The following PAPPA variants were observed in gnomAD, a reference collection of about 807,000 sequenced individuals.
The protein encoded by PAPPA is pappalysin 1, also known as pappalysin-1.
Under a neutral mutation model 164.0 loss-of-function variants are expected in PAPPA, and 60 were observed. The observed-to-expected ratio is 0.37, with a 90% CI of 0.30 to 0.45. The LOEUF is 0.45. Among genes scored for constraint, PAPPA ranks in the 20% least tolerant of loss-of-function variants. The pLI, the probability that PAPPA is intolerant of heterozygous loss-of-function variation, is 1.00. For missense variants in PAPPA, 1,782 were observed against 2,087.3 expected (o/e 0.85, Z 2.85); for synonymous variants, 875 against 814.1 (o/e 1.07, Z -1.27).
rs561687547 is a variant in PAPPA at position 116,334,341 on chromosome 9, C to A, written c.3398-520C>A. On this transcript the variant is annotated intron_variant, in intron 12 of 21. Transcript: ENST00000328252. ...GGCTGTGCTTCTCTGGAAAACCACC[C>A]CTGCCCACGATTCTCAACCTCTTCT... 1.4e-4 allele frequency among the ~76,000 whole-genome samples: 21 copies of A among 152,230 alleles called. No homozygotes were observed. The East Asian group carries it at 4.0e-3, about 29-fold the overall frequency.
intron 19 of PAPPA, among the ~76,000 whole-genome samples, 195 bp from the exon 20 acceptor site, chr9:116,377,381 T>C (rs1019088204): frequency 6.6e-6 from 1 of 152,172 alleles, no homozygotes; most frequent in Non-Finnish European, 1.5e-5. Context: ...ACACATGCGG[T>C]GAACACAAAT....
intron 20 of PAPPA, among the ~76,000 whole-genome samples, chr9:116,379,442 G>A (rs1056177462): frequency 6.6e-6 from 1 of 152,116 alleles, no homozygotes; most frequent in Admixed American, 6.5e-5. Flanking sequence ...CCTCTTATAT[G>A]CCAGATACTG....
intron 6 of PAPPA, among the ~76,000 whole-genome samples, chr9:116,231,660 CGGATGGATGGAT>C (rs199915317): frequency 0.12 from 17,270 of 143,154 alleles, 1,176 homozygotes; most frequent in East Asian, 0.21. Context: ...AATGAATGGG[CGGATGGATGGAT>C]GGATGGATGG....
chr9:116,178,609 C>T (rs1843864639), intron 1 of PAPPA, among the ~76,000 whole-genome samples: 1 of 152,188 alleles, frequency 6.6e-6, no homozygotes, highest in Non-Finnish European at 1.5e-5. Flanking sequence ...TAACAGGGAG[C>T]AGAGCTGAGA....
rs545703946 is a variant in PAPPA, at chr9:116,367,663, C to T, written c.4514C>T (p.Ser1505Leu). ...GYAIGSECAT[S>L]CLDHNSESII... ...CCCTCAGGGTCGGAGTGTGCCACCT[C>T]GTGCCTGGACCACAACAGCGAGTCC... Residue 1505 changes from serine (S) to leucine (L), a missense_variant, in exon 19 of 22, where the codon TCG (serine) becomes TTG (leucine). Physicochemically the swap from Ser to Leu is moderately radical, Grantham distance 145. Around this residue, in one of 2 missense-constraint regions of PAPPA, gnomAD observed 1,324 missense variants for 1,656.9 expected, o/e 0.80. Coordinates refer to ENST00000328252, the MANE Select transcript of PAPPA (RefSeq NM_002581.5). 3.2e-5 allele frequency: 51 copies of T among 1,613,768 alleles called. 1 individual carries two copies. Among genetic ancestry groups the T allele is most frequent in the South Asian group, 2.7e-4 (25 of 91,008 alleles).
At chr9:116,328,698 C>A (rs1329620811) in intron 10 of PAPPA, among the ~76,000 whole-genome samples, 1 of 152,106 alleles carries the variant, frequency 6.6e-6, no homozygotes, top group East Asian at 1.9e-4. Context: ...AGTGCAGATG[C>A]TCTGTTTGAA....
intron 9 of PAPPA, among the ~76,000 whole-genome samples, chr9:116,272,997 T>C (rs990411047): frequency 2.6e-5 from 4 of 152,196 alleles, no homozygotes; most frequent in South Asian, 2.1e-4. Flanking sequence ...ACTGAATTCC[T>C]TCTAATTGTG....
At chr9:116,279,492 G>GAAC (rs1167182671) in intron 9 of PAPPA, among the ~76,000 whole-genome samples, 1 of 152,014 alleles carries the variant, frequency 6.6e-6, no homozygotes. Context: ...AAAAGAAACA[G>GAAC]AACGGCCTCT....
chr9:116,278,027 G>A (rs986406931), intron 9 of PAPPA, among the ~76,000 whole-genome samples: 1 of 152,188 alleles, frequency 6.6e-6, no homozygotes, highest in African/African-American at 2.4e-5. Context: ...GATAAATAAT[G>A]TTATCCCCGT....
intron 10 of PAPPA, among the ~76,000 whole-genome samples, chr9:116,306,509 T>C (rs995601020): frequency 1.3e-5 from 2 of 152,228 alleles, no homozygotes; most frequent in African/African-American, 4.8e-5. Context: ...CAAAACTTCC[T>C]GGTTGTGCAA....
In PAPPA at chr9:116,211,741, G is replaced by T; in HGVS notation, c.1727G>T (p.Gly576Val). The change falls in exon 4 of 22, where the codon GGC becomes GTC. Residue 576 changes from glycine (G) to valine (V), a missense_variant. By Grantham distance (109) the Gly-to-Val change is moderately radical. This residue lies in a region of PAPPA where 1,324 missense variants were observed against 1,656.9 expected (regional missense o/e 0.80). Coordinates refer to ENST00000328252, the MANE Select transcript of PAPPA (RefSeq NM_002581.5). ...HSLGLYHVFR[G>V]ISEIQSCSDP... ...CTGGGCCTCTATCACGTCTTCCGAG[G>T]CATCTCAGAAATCCAGTCCTGCAGT... The T allele has an allele frequency of 6.2e-7, 1 of 1,614,052 alleles. No individual in the cohort carries two copies. Among genetic ancestry groups the T allele is most frequent in the Non-Finnish European group, 8.5e-7 (1 of 1,179,960 alleles).
chr9:116,249,757 G>T, intron 7 of PAPPA, among the ~76,000 whole-genome samples: 1 of 152,176 alleles, frequency 6.6e-6, no homozygotes, highest in East Asian at 1.9e-4. Context: ...AAAGATGCCT[G>T]TGTTACTGGC....
At chr9:116,200,351 A>G (rs1844157716) in intron 2 of PAPPA, among the ~76,000 whole-genome samples, 1 of 152,162 alleles carries the variant, frequency 6.6e-6, no homozygotes, top group Admixed American at 6.5e-5. Flanking sequence ...CCACTCTATC[A>G]TAACACATAT....
intron 10 of PAPPA, among the ~76,000 whole-genome samples, chr9:116,329,811 A>G (rs2118945388): frequency 6.6e-6 from 1 of 152,258 alleles, no homozygotes; most frequent in African/African-American, 2.4e-5. Context: ...GTGTTAAACT[A>G]TTTTTATATC....
At chr9:116,217,590 C>G (rs181708168) in intron 4 of PAPPA, among the ~76,000 whole-genome samples, 2 of 152,124 alleles carry the variant, frequency 1.3e-5, no homozygotes, top group Non-Finnish European at 2.9e-5. Flanking sequence ...TATTTTATAT[C>G]CTGAATTTTT....
chr9:116,261,979 G>A (rs374598695), intron 7 of PAPPA, among the ~76,000 whole-genome samples: 2 of 152,148 alleles, frequency 1.3e-5, no homozygotes, highest in Non-Finnish European at 1.5e-5. Flanking sequence ...TTGGGAGGCC[G>A]AGTGAGGAGG....
At chr9:116,219,839 G>T in intron 4 of PAPPA, 98 bp from the exon 5 acceptor site, 2 of 948,192 alleles carry the variant, frequency 2.1e-6, no homozygotes, top group Non-Finnish European at 3.2e-6. Context: ...GGAACGACTT[G>T]GGTGCTGACT....
In PAPPA at chr9:116,227,640, G is replaced by A. The variant is rs1046820609; in HGVS notation, c.2233+88G>A. 3 of 1,392,982 alleles carry A rather than the reference G, an allele frequency of 2.2e-6. No homozygotes were observed. The South Asian group carries it at 4.1e-5, about 19-fold the overall frequency. The allele number at this position is 1,392,982 out of a possible 1,614,324, so 86.3% of individuals were successfully genotyped here. A position where few individuals can be genotyped will look rare whatever the true frequency, so the allele number is the denominator to read the frequency against. On this transcript the variant is annotated intron_variant, in intron 6 of 21. Coordinates refer to ENST00000328252, the MANE Select transcript of PAPPA (RefSeq NM_002581.5). ...TATATGGGGTTTTATTATTTTTATG[G>A]GTCTTTGCCATGTATCATTTCATTT...
chr9:116,306,167 G>C (rs1472088552), intron 10 of PAPPA, among the ~76,000 whole-genome samples: 1 of 152,154 alleles, frequency 6.6e-6, no homozygotes, highest in Non-Finnish European at 1.5e-5. Flanking sequence ...CTAGTTCTGT[G>C]CTAGAGCCTG....
Sources: gnomAD v4.1 joint callset for allele counts (sites outside exome capture counted in the v4.1 genomes callset) on GRCh38, gnomAD v4.1.1 for gene constraint, gnomAD v4.1.1 regional missense constraint, MANE v1.5 for transcripts, NCBI Gene and HGNC (gene_info 2026-07-23, HGNC 2026-07-21) for gene names.